Variants in DYSF observed in about 807,000 individuals in gnomAD.
The protein encoded by DYSF is dystrophy-associated fer-1-like 1.
DYSF carries 212 observed loss-of-function variants against 274.9 expected under a neutral mutation model. That is an observed-to-expected ratio of 0.77 (90% CI 0.69 to 0.86). The LOEUF (loss-of-function observed/expected upper bound fraction) is 0.86, where lower values mean the gene tolerates loss of function less well. DYSF is among the 40% of genes least tolerant of loss of function. The pLI, the probability that DYSF is intolerant of heterozygous loss-of-function variation, is 0.00. For synonymous variants in DYSF, 1,091 were observed against 1,078.7 expected (o/e 1.01, Z -0.22); for missense variants, 2,666 against 2,783.2 (o/e 0.96, Z 0.95).
At chr2:71,673,529 G>T (rs2095167196) in intron 51 of DYSF, among the ~76,000 whole-genome samples, 1 of 152,172 alleles carries the variant, frequency 6.6e-6, no homozygotes, top group South Asian at 2.1e-4. Flanking sequence ...CTGGGGTCTA[G>T]ATTCCAGTGC....
At chr2:71,685,006 A>G (rs866147646) in intron 55 of DYSF, among the ~76,000 whole-genome samples, 1 of 152,290 alleles carries the variant, frequency 6.6e-6, no homozygotes, top group South Asian at 2.1e-4. Flanking sequence ...TGGCATCACC[A>G]CCACCCATGA....
At chr2:71,634,469 C>T (rs898648079) in intron 41 of DYSF, among the ~76,000 whole-genome samples, 40 of 152,256 alleles carry the variant, frequency 2.6e-4, no homozygotes, top group African/African-American at 9.6e-4. Context: ...GCTGTGCTAA[C>T]TTATTCCTGG....
chr2:71,555,525 G>A (rs1397030018), intron 21 of DYSF, among the ~76,000 whole-genome samples: 1 of 152,280 alleles, frequency 6.6e-6, no homozygotes, highest in African/African-American at 2.4e-5. Context: ...GTGGCAGGAC[G>A]AATCCTGGAG....
intron 17 of DYSF, among the ~76,000 whole-genome samples, chr2:71,548,601 A>G (rs2090671998): frequency 6.6e-6 from 1 of 152,208 alleles, no homozygotes; most frequent in African/African-American, 2.4e-5. Flanking sequence ...ACAGATTCAG[A>G]GTCCATACAT....
chr2:71,594,000 GTGCCCTCTT>G (rs1189146593), intron 32 of DYSF, among the ~76,000 whole-genome samples: 1 of 152,188 alleles, frequency 6.6e-6, no homozygotes, highest in Admixed American at 6.5e-5. Context: ...AGAAGGTCCT[GTGCCCTCTT>G]TGCTGGCCTT....
At chr2:71,602,899 G>T in intron 36 of DYSF, 94 bp downstream of exon 36, 1 of 1,492,872 alleles carries the variant, frequency 6.7e-7, no homozygotes. Context: ...CCAGGTTCCT[G>T]GTGCCCAGCA....
At chr2:71,562,044 C>A in intron 23 of DYSF, 100 bp downstream of exon 23, 1 of 1,478,156 alleles carries the variant, frequency 6.8e-7, no homozygotes, top group Non-Finnish European at 9.2e-7. Flanking sequence ...TTACCCACCC[C>A]GGTTCCATTG....
intron 28 of DYSF, 111 bp downstream of exon 28, chr2:71,570,445 G>A (rs1246896602): frequency 3.3e-5 from 47 of 1,407,772 alleles, no homozygotes; most frequent in Admixed American, 2.6e-4. Context: ...ACCCAGGGAC[G>A]CTTCTTGAAG....
At chr2:71,671,882 C>A (rs1487247543) in intron 51 of DYSF, among the ~76,000 whole-genome samples, 1 of 152,106 alleles carries the variant, frequency 6.6e-6, no homozygotes, top group Non-Finnish European at 1.5e-5. Flanking sequence ...CAGAGGAAGA[C>A]AGGGGTCGAG....
chr2:71,679,665 C>T (rs1034781975), intron 53 of DYSF, among the ~76,000 whole-genome samples: 2 of 152,108 alleles, frequency 1.3e-5, no homozygotes, highest in Non-Finnish European at 2.9e-5. Context: ...CCCGAGAGAA[C>T]CGTCCTTCCC....
intron 13 of DYSF, among the ~76,000 whole-genome samples, chr2:71,526,703 C>T (rs549778905): frequency 9.8e-5 from 15 of 152,346 alleles, no homozygotes; most frequent in African/African-American, 1.4e-4. Flanking sequence ...TGAGGAAGCC[C>T]GTCCTGCTAG....
chr2:71,547,114 G>C (rs549796699), intron 17 of DYSF, among the ~76,000 whole-genome samples: 1 of 152,202 alleles, frequency 6.6e-6, no homozygotes, highest in Non-Finnish European at 1.5e-5. Flanking sequence ...TTGGCAGAAC[G>C]GTGATGTGGA....
chr2:71,645,082 G>A (rs2094546626), intron 42 of DYSF, among the ~76,000 whole-genome samples: 1 of 152,172 alleles, frequency 6.6e-6, no homozygotes, highest in Non-Finnish European at 1.5e-5. Context: ...AAGCCCCAGT[G>A]GATGTGTGTT....
Position 71,600,837 on chromosome 2 carries a change from G to A in DYSF, c.3892G>A (p.Glu1298Lys). 6.2e-7 allele frequency: 1 copy of A among 1,610,986 alleles called. No homozygotes were observed. Among genetic ancestry groups the A allele is most frequent in the East Asian group, 2.2e-5 (1 of 44,874 alleles). The change falls in exon 34 of 56, where the codon GAG becomes AAG. Residue 1298 changes from glutamate to lysine, a missense_variant. Around this residue, in one of 3 missense-constraint regions of DYSF, gnomAD observed 1,460 missense variants for 1,502.1 expected, o/e 0.97. Coordinates refer to ENST00000410020, the MANE Select transcript of DYSF (RefSeq NM_001130987.2). ...LLASFELIQR[E>K]KPAIHHIPGF... The stretch of plus-strand genomic sequence containing the variant: ...GGCCTCTTTTGAGCTCATCCAGAGA[G>A]AGAAGGTGAGGCTGGTCTATATCCA...
chr2:71,675,506 C>T (rs901214542), intron 52 of DYSF, among the ~76,000 whole-genome samples: 9 of 152,150 alleles, frequency 5.9e-5, no homozygotes, highest in African/African-American at 1.9e-4. Context: ...TATTCTGAGG[C>T]GCGGCTTCCG....
intron 1 of DYSF, among the ~76,000 whole-genome samples, chr2:71,468,634 G>A (rs2081725064): frequency 6.6e-6 from 1 of 152,190 alleles, no homozygotes; most frequent in African/African-American, 2.4e-5. Context: ...CCATACAATA[G>A]AATGTAACAT....
At chr2:71,572,517 A>G (rs35790663) in intron 29 of DYSF, among the ~76,000 whole-genome samples, 101,589 of 152,184 alleles carry the variant, frequency 0.67, 34,727 homozygotes, top group East Asian at 0.85. Flanking sequence ...GCTAAGACGT[A>G]GATTTGGCTG....
At chr2:71,653,646 T>A (rs903396810) in intron 42 of DYSF, among the ~76,000 whole-genome samples, 6 of 111,328 alleles carry the variant, frequency 5.4e-5, no homozygotes, top group Non-Finnish European at 1.0e-4. Flanking sequence ...AACATCACAC[T>A]CTGGGGCCTG....
At chr2:71,556,427 G>A (rs748989930) in intron 22 of DYSF, among the ~76,000 whole-genome samples, 1 of 152,198 alleles carries the variant, frequency 6.6e-6, no homozygotes, top group African/African-American at 2.4e-5. Flanking sequence ...TCAAGGCCAT[G>A]TCGGGGATCA....
Sources: gnomAD v4.1 joint callset for allele counts (sites outside exome capture counted in the v4.1 genomes callset) on GRCh38, gnomAD v4.1.1 for gene constraint, gnomAD v4.1.1 regional missense constraint, MANE v1.5 for transcripts, NCBI Gene and HGNC (gene_info 2026-07-23, HGNC 2026-07-21) for gene names.